The following LRRC26 variants were observed in gnomAD, a reference collection of about 807,000 sequenced individuals.
LRRC26 encodes leucine-rich repeat-containing protein 26.
In LRRC26, 17 loss-of-function variants were observed where a neutral mutation model predicts 15.3. The ratio of observed to expected loss-of-function variants is 1.11; its 90% CI spans 0.76 to 1.66. LRRC26 has a LOEUF of 1.66. LRRC26 is among the 40% of genes most tolerant of loss of function. The pLI, the probability that LRRC26 is intolerant of heterozygous loss-of-function variation, is 0.00. For missense variants in LRRC26, 573 were observed against 501.0 expected (o/e 1.14, Z -1.37); for synonymous variants, 301 against 272.1 (o/e 1.11, Z -1.05).
Position 137,169,395 on chromosome 9 carries a change from C to T in LRRC26, c.549G>A (p.Ala183=), listed in dbSNP as rs1179499851. 2 of 1,501,758 alleles carry T rather than the reference C, an allele frequency of 1.3e-6. No individual in the cohort carries two copies. The highest frequency in any genetic ancestry group is 1.8e-6 in the Non-Finnish European group (2 of 1,134,614). 93.0% of individuals were successfully genotyped at this position (1,501,758 alleles called of 1,614,324 possible). Residue 183 remains alanine, a synonymous_variant, in exon 1 of 2, where the codon GCG becomes GCA. Transcript: ENST00000371542. ...CGGGCAGGCGGCCCAGCAGCCCCGG[C>T]GCGAGTGCCGCCAGCTCGTTGTCCT... is the stretch of plus-strand genomic sequence containing the variant. ...SLQDNELAAL[A]PGLLGRLPAL...
At position 137,169,852 on chromosome 9, in the gene LRRC26, G is replaced by A. The variant is rs1222032939; in HGVS notation, c.92C>T (p.Thr31Met). ...GCCCAGGGACCCCGAGGGCGAGGCC[G>A]TGGCCGACACCTGGGCCCAGACAGG... ...PWPVWAQVSA[T>M]ASPSGSLGAP... The change falls in exon 1 of 2, where the codon ACG becomes ATG. Residue 31 changes from threonine (T) to methionine (M), a missense_variant. Thr to Met is a moderately conservative substitution (Grantham distance 81, BLOSUM62 -1). Transcript: ENST00000371542. 3 of 1,470,844 alleles carry A rather than the reference G, an allele frequency of 2.0e-6. No homozygotes were observed. The highest frequency in any genetic ancestry group is 1.3e-5 in the South Asian group (1 of 76,856). The allele number at this position is 1,470,844 out of a possible 1,614,324, so 91.1% of individuals were successfully genotyped here.
At position 137,169,305 on chromosome 9, in the gene LRRC26, G is replaced by A; in HGVS notation, c.639C>T (p.Cys213=). The change falls in exon 1 of 2, where the codon TGC becomes TGT. Residue 213 remains cysteine, a synonymous_variant. Coordinates refer to ENST00000371542, the MANE Select transcript of LRRC26 (RefSeq NM_001013653.3). ...WGCGCALRPL[C]AWLRRHPLPA... ...GCAGCGGGTGCCGGCGCAGCCAGGCGCAGAGCGGGCGCAGCGCGCACCCGC... is the reference window on the plus strand; with the variant it reads ...GCAGCGGGTGCCGGCGCAGCCAGGCACAGAGCGGGCGCAGCGCGCACCCGC... The A allele has an allele frequency of 7.1e-7, 1 of 1,417,154 alleles. No homozygotes were observed. Among genetic ancestry groups the A allele is most frequent in the Non-Finnish European group, 9.1e-7 (1 of 1,093,064 alleles). The allele number at this position is 1,417,154 out of a possible 1,614,324, so 87.8% of individuals were successfully genotyped here. A position where few individuals can be genotyped will look rare whatever the true frequency, so the allele number is the denominator to read the frequency against.
chr9:137,168,922 C>A lies in LRRC26; in HGVS notation c.937G>T (p.Asp313Tyr). Residue 313 changes from aspartate (D) to tyrosine (Y), a missense_variant, in exon 2 of 2, where the codon GAT becomes TAT. By Grantham distance (160) the Asp-to-Tyr change is radical. Transcript: ENST00000371542. ...RPPRPPDPNP[D>Y]PDPHGCASPA... ...GAGGCACAGCCGTGGGGGTCGGGAT[C>A]GGGGTTCGGGTCTGGCGGTCTCGGC... 1 of 1,342,210 alleles carries A rather than the reference C, an allele frequency of 7.5e-7. No individual in the cohort carries two copies. Among genetic ancestry groups the A allele is most frequent in the East Asian group, 3.1e-5 (1 of 32,482 alleles). 83.1% of individuals were successfully genotyped at this position (1,342,210 alleles called of 1,614,324 possible).
At position 137,169,316 on chromosome 9, in the gene LRRC26, G is replaced by T. The variant is rs1834032808; in HGVS notation, c.628C>A (p.Arg210Ser). ...CGGCGCAGCCAGGCGCAGAGCGGGC[G>T]CAGCGCGCACCCGCAGCCCCAAGGG... The part of the protein sequence containing the change: ...GNPWGCGCAL[R>S]PLCAWLRRHP... Residue 210 changes from arginine to serine, a missense_variant, in exon 1 of 2, where the codon CGC becomes AGC. Transcript: ENST00000371542. The T allele has an allele frequency of 1.4e-6, 2 of 1,428,100 alleles. No individual in the cohort carries two copies. The highest frequency in any genetic ancestry group is 1.5e-5 in the African/African-American group (1 of 66,400). 88.5% of individuals were successfully genotyped at this position (1,428,100 alleles called of 1,614,324 possible). A position where few individuals can be genotyped will look rare whatever the true frequency, so the allele number is the denominator to read the frequency against.
Position 137,169,773 on chromosome 9 carries a change from G to A in LRRC26, c.171C>T (p.Cys57=). Residue 57 remains cysteine, a synonymous_variant, in exon 1 of 2, where the codon TGC becomes TGT. Coordinates refer to ENST00000371542, the MANE Select transcript of LRRC26 (RefSeq NM_001013653.3). ...CTCVPGGLAS[C]SALSLPAVPP... is the part of the protein sequence containing the mutation. ...GCACGGCGGGCAGCGAGAGTGCCGAGCAGCTGGCCAGGCCTCCCGGCACGC... is the reference window on the plus strand; with the variant it reads ...GCACGGCGGGCAGCGAGAGTGCCGAACAGCTGGCCAGGCCTCCCGGCACGC... The A allele has an allele frequency of 2.2e-6, 3 of 1,391,538 alleles. No individual in the cohort carries two copies. Among genetic ancestry groups the A allele is most frequent in the East Asian group, 3.0e-5 (1 of 33,282 alleles). 86.2% of individuals were successfully genotyped at this position (1,391,538 alleles called of 1,614,324 possible).
Position 137,169,333 on chromosome 9 carries a change from C to G in LRRC26, c.611G>C (p.Gly204Ala). The G allele has an allele frequency of 6.9e-7, 1 of 1,455,280 alleles. No homozygotes were observed. 90.1% of individuals were successfully genotyped at this position (1,455,280 alleles called of 1,614,324 possible). ...DALHLRGNPW[G>A]CGCALRPLCA... Reference sequence around the variant, plus strand: ...GAGCGGGCGCAGCGCGCACCCGCAGCCCCAAGGGTTGCCGCGCAGGTGCAG... The same window carrying G: ...GAGCGGGCGCAGCGCGCACCCGCAGGCCCAAGGGTTGCCGCGCAGGTGCAG... Residue 204 changes from glycine to alanine, a missense_variant, in exon 1 of 2, where the codon GGC (glycine) becomes GCC (alanine). Coordinates refer to ENST00000371542, the MANE Select transcript of LRRC26 (RefSeq NM_001013653.3).
In LRRC26 at chr9:137,169,051, G is replaced by C. The variant is rs778951887; in HGVS notation, c.808C>G (p.Pro270Ala). Reference sequence around the variant, plus strand: ...GCCAGGCTGACGAGGAAGGAGGCCGGCCCGAGCGTGTAAACCACGGCCAGG... The same window carrying C: ...GCCAGGCTGACGAGGAAGGAGGCCGCCCCGAGCGTGTAAACCACGGCCAGG... ...RDLAVVYTLG[P>A]ASFLVSLASC... The change falls in exon 2 of 2, where the codon CCG (proline) becomes GCG (alanine). Residue 270 changes from proline to alanine, a missense_variant. Coordinates refer to ENST00000371542, the MANE Select transcript of LRRC26 (RefSeq NM_001013653.3). 1 of 1,545,834 alleles carries C rather than the reference G, an allele frequency of 6.5e-7. No homozygotes were observed. Among genetic ancestry groups the C allele is most frequent in the Non-Finnish European group, 8.7e-7 (1 of 1,153,256 alleles).
At position 137,168,853 on chromosome 9, in the gene LRRC26, C is replaced by T. The variant is rs1588748422; in HGVS notation, c.*1G>A. ...CGAGCGCTCCAGGCGGCCGCGGCCG[C>T]TCAGGCTTGGGCGGCAGCGGCGGGG... On this transcript the variant is annotated 3_prime_UTR_variant, in exon 2 of 2. Transcript: ENST00000371542. 1.6e-6 allele frequency: 2 copies of T among 1,238,180 alleles called. No individual in the cohort carries two copies. The highest frequency in any genetic ancestry group is 6.4e-5 in the East Asian group (2 of 31,282). 76.7% of individuals were successfully genotyped at this position (1,238,180 alleles called of 1,614,324 possible). A position where few individuals can be genotyped will look rare whatever the true frequency, so the allele number is the denominator to read the frequency against.
intron 1 of LRRC26, 37 bp from the exon 2 acceptor site, chr9:137,169,222 G>T: frequency 7.2e-7 from 1 of 1,394,806 alleles, no homozygotes; most frequent in East Asian, 2.9e-5. Context: ...GTCAGGTGGC[G>T]GCTGCCGCAC....
chr9:137,169,314 G>C lies in LRRC26; in HGVS notation c.630C>G (p.Arg210=). Residue 210 remains arginine (R), a synonymous_variant, in exon 1 of 2, where the codon CGC becomes CGG. Transcript: ENST00000371542. ...GNPWGCGCAL[R]PLCAWLRRHP... ...GCCGGCGCAGCCAGGCGCAGAGCGGGCGCAGCGCGCACCCGCAGCCCCAAG... is the reference window on the plus strand; with the variant it reads ...GCCGGCGCAGCCAGGCGCAGAGCGGCCGCAGCGCGCACCCGCAGCCCCAAG... The C allele has an allele frequency of 1.4e-6, 2 of 1,427,374 alleles. No individual in the cohort carries two copies. The highest frequency in any genetic ancestry group is 1.4e-5 in the South Asian group (1 of 70,712). The allele number at this position is 1,427,374 out of a possible 1,614,324, so 88.4% of individuals were successfully genotyped here. A position where few individuals can be genotyped will look rare whatever the true frequency, so the allele number is the denominator to read the frequency against.
chr9:137,169,210 G>A (rs1834028645), intron 1 of LRRC26, 25 bp from the exon 2 acceptor site: 1 of 1,404,702 alleles, frequency 7.1e-7, no homozygotes, highest in Non-Finnish European at 9.2e-7. Flanking sequence ...CAAAGGCGCG[G>A]CGTCAGGTGG....
At position 137,169,387 on chromosome 9, in the gene LRRC26, A is replaced by C; in HGVS notation, c.557T>G (p.Leu186Arg). 1 of 1,495,582 alleles carries C rather than the reference A, an allele frequency of 6.7e-7. No individual in the cohort carries two copies. 92.6% of individuals were successfully genotyped at this position (1,495,582 alleles called of 1,614,324 possible). Reference sequence around the variant, plus strand: ...GTCTAGAGCGGGCAGGCGGCCCAGCAGCCCCGGCGCGAGTGCCGCCAGCTC... The same window carrying C: ...GTCTAGAGCGGGCAGGCGGCCCAGCCGCCCCGGCGCGAGTGCCGCCAGCTC... ...DNELAALAPG[L>R]LGRLPALDAL... Residue 186 changes from leucine (L) to arginine (R), a missense_variant, in exon 1 of 2, where the codon CTG becomes CGG. Physicochemically the swap from Leu to Arg is moderately radical, Grantham distance 102. Transcript: ENST00000371542.
chr9:137,169,574 G>A lies in LRRC26; in HGVS notation c.370C>T (p.Leu124=), dbSNP rs1334279781. ...AFWGLGALQL[L]DLSANQLEAL... ...TCCAGCTGGTTGGCGCTCAGGTCCA[G>A]CAGCTGCAGCGCGCCCAGGCCCCAG... Residue 124 remains leucine (L), a synonymous_variant, in exon 1 of 2, where the codon CTG becomes TTG. Coordinates refer to ENST00000371542, the MANE Select transcript of LRRC26 (RefSeq NM_001013653.3). 1.8e-5 allele frequency: 28 copies of A among 1,523,338 alleles called. No individual in the cohort carries two copies. Among genetic ancestry groups the A allele is most frequent in the Non-Finnish European group, 2.3e-5 (26 of 1,141,638 alleles). The allele number at this position is 1,523,338 out of a possible 1,614,324, so 94.4% of individuals were successfully genotyped here.
At position 137,169,997 on chromosome 9, in the gene LRRC26, G is replaced by C. The variant is rs1477785565; in HGVS notation, c.-54C>G. 3 of 1,373,866 alleles carry C rather than the reference G, an allele frequency of 2.2e-6. No homozygotes were observed. The South Asian group carries it at 5.0e-5, about 23-fold the overall frequency. The allele number at this position is 1,373,866 out of a possible 1,614,324, so 85.1% of individuals were successfully genotyped here. A position where few individuals can be genotyped will look rare whatever the true frequency, so the allele number is the denominator to read the frequency against. ...GCGGTGGGAGGCCCGCTGCCTGTGC[G>C]TCCCTGGAGCCCGTCGTCCGCGGAG... On this transcript the variant is annotated 5_prime_UTR_variant, in exon 1 of 2. Coordinates refer to ENST00000371542, the MANE Select transcript of LRRC26 (RefSeq NM_001013653.3).
rs1419751882 is a variant in LRRC26, at chr9:137,169,449, C to A, written c.495G>T (p.Ala165=). 5 of 1,513,084 alleles carry A rather than the reference C, an allele frequency of 3.3e-6. No homozygotes were observed. The highest frequency in any genetic ancestry group is 4.4e-6 in the Non-Finnish European group (5 of 1,139,840). The allele number at this position is 1,513,084 out of a possible 1,614,324, so 93.7% of individuals were successfully genotyped here. A position where few individuals can be genotyped will look rare whatever the true frequency, so the allele number is the denominator to read the frequency against. ...GGCTGAGTGAGCGCAGCAGCGGGAGCGCGCCTAGCGCCGCGGGCTCCAGGC... is the reference window on the plus strand; with the variant it reads ...GGCTGAGTGAGCGCAGCAGCGGGAGAGCGCCTAGCGCCGCGGGCTCCAGGC... ...LARLEPAALG[A]LPLLRSLSLQ... Residue 165 remains alanine (A), a synonymous_variant, in exon 1 of 2, where the codon GCG becomes GCT. Coordinates refer to ENST00000371542, the MANE Select transcript of LRRC26 (RefSeq NM_001013653.3).
chr9:137,169,714 AGCAGCGCGCGCAGGCGCAGGCTCAG>A lies in LRRC26; in HGVS notation c.205_229del (p.Leu69CysfsTer50). 6.8e-7 allele frequency: 1 copy of A among 1,469,368 alleles called. No individual in the cohort carries two copies. Among genetic ancestry groups the A allele is most frequent in the African/African-American group, 1.5e-5 (1 of 67,840 alleles). The allele number at this position is 1,469,368 out of a possible 1,614,324, so 91.0% of individuals were successfully genotyped here. A position where few individuals can be genotyped will look rare whatever the true frequency, so the allele number is the denominator to read the frequency against. On this transcript the variant is annotated frameshift_variant, in exon 1 of 2. Coordinates refer to ENST00000371542, the MANE Select transcript of LRRC26 (RefSeq NM_001013653.3). LOFTEE classifies it high-confidence loss of function. ...CGCACGGACGCGGTTGTGGTCCAGC[AGCAGCGCGCGCAGGCGCAGGCTCAG>A]GCCCGGGGGCACGGCGGGCAGCGAG...
At position 137,169,393 on chromosome 9, in the gene LRRC26, G is replaced by A. The variant is rs1834035013; in HGVS notation, c.551C>T (p.Pro184Leu). ...AGCGGGCAGGCGGCCCAGCAGCCCC[G>A]GCGCGAGTGCCGCCAGCTCGTTGTC... ...LQDNELAALA[P>L]GLLGRLPALD... The change falls in exon 1 of 2, where the codon CCG (proline) becomes CTG (leucine). Residue 184 changes from proline (P) to leucine (L), a missense_variant. Transcript: ENST00000371542. The A allele has an allele frequency of 4.7e-6, 7 of 1,501,378 alleles. No individual in the cohort carries two copies. The highest frequency in any genetic ancestry group is 2.8e-5 in the East Asian group (1 of 36,268). 93.0% of individuals were successfully genotyped at this position (1,501,378 alleles called of 1,614,324 possible).
chr9:137,168,943 TCGGCGGG>T lies in LRRC26; in HGVS notation c.909_915del (p.Pro304AspfsTer?). On this transcript the variant is annotated frameshift_variant, in exon 2 of 2. Transcript: ENST00000371542. LOFTEE classifies it low-confidence loss of function (END_TRUNC). ...GGATCGGGGTTCGGGTCTGGCGGTCTCGGCGGGCGGAGGGCGGCGGTGCGGAGGCGGC... is the reference window on the plus strand; with the variant it reads ...GGATCGGGGTTCGGGTCTGGCGGTCTCGGAGGGCGGCGGTGCGGAGGCGGC... The T allele has an allele frequency of 7.2e-7, 1 of 1,384,352 alleles. No individual in the cohort carries two copies. Among genetic ancestry groups the T allele is most frequent in the Non-Finnish European group, 9.3e-7 (1 of 1,077,004 alleles). The allele number at this position is 1,384,352 out of a possible 1,614,324, so 85.8% of individuals were successfully genotyped here.
chr9:137,169,156 C>T lies in LRRC26; in HGVS notation c.703G>A (p.Gly235Arg). 1 of 1,531,508 alleles carries T rather than the reference C, an allele frequency of 6.5e-7. No individual in the cohort carries two copies. 94.9% of individuals were successfully genotyped at this position (1,531,508 alleles called of 1,614,324 possible). ...EAETVLCVWP[G>R]RLTLSPLTAF... The stretch of plus-strand genomic sequence containing the variant: ...GTCAGGGGGCTGAGCGTCAGGCGTC[C>T]CGGCCACACGCAGAGCACCGTCTCG... Residue 235 changes from glycine to arginine, a missense_variant, in exon 2 of 2, where the codon GGA becomes AGA. Coordinates refer to ENST00000371542, the MANE Select transcript of LRRC26 (RefSeq NM_001013653.3).
Sources: allele counts gnomAD v4.1 joint callset, GRCh38; gene constraint gnomAD v4.1.1; transcripts MANE v1.5; gene names NCBI Gene and HGNC (gene_info 2026-07-23, HGNC 2026-07-21).